CDKN2B-AS1: variants seen among roughly 807,000 people sequenced by gnomAD.
The protein encoded by CDKN2B-AS1 is CDKN2B and CDKN2A antisense cis and trans regulatory RNA 1.
At chr9:22,114,097 C>G (rs1398298164) in intron 4 of CDKN2B-AS1, among the ~76,000 whole-genome samples, 2 of 152,100 alleles carry the variant, frequency 1.3e-5, no homozygotes, top group Non-Finnish European at 2.9e-5. Flanking sequence ...CTCTAATTGG[C>G]CTTTGGAACT....
intron 4 of CDKN2B-AS1, among the ~76,000 whole-genome samples, chr9:22,061,065 ATAAT>A (rs1279818660): frequency 6.6e-6 from 1 of 152,230 alleles, no homozygotes; most frequent in African/African-American, 2.4e-5. Context: ...TCTTGTACTG[ATAAT>A]TAATATCTGG....
intron 1 of CDKN2B-AS1, among the ~76,000 whole-genome samples, chr9:22,022,608 G>T (rs555808547): frequency 6.6e-6 from 1 of 151,988 alleles, no homozygotes; most frequent in Non-Finnish European, 1.5e-5. Flanking sequence ...TTGGCTTGCC[G>T]CTCTGTCTTC....
intron 1 of CDKN2B-AS1, among the ~76,000 whole-genome samples, chr9:22,028,089 C>T (rs917313728): frequency 1.3e-5 from 2 of 151,978 alleles, no homozygotes; most frequent in Admixed American, 6.5e-5. Flanking sequence ...ATTTTTTGGA[C>T]GTTCTGCAGG....
At chr9:22,112,643 A>T (rs1825831363) in intron 4 of CDKN2B-AS1, among the ~76,000 whole-genome samples, 1 of 152,204 alleles carries the variant, frequency 6.6e-6, no homozygotes, top group Non-Finnish European at 1.5e-5. Flanking sequence ...ATTCTTCACT[A>T]TATTGCTCAA....
intron 1 of CDKN2B-AS1, among the ~76,000 whole-genome samples, chr9:22,027,042 TC>T (rs1196077790): frequency 6.6e-6 from 1 of 152,124 alleles, no homozygotes; most frequent in East Asian, 1.9e-4. Flanking sequence ...CTTGATTACT[TC>T]CAATGAGAGT....
chr9:22,036,966 A>G (rs1822712260), intron 1 of CDKN2B-AS1, among the ~76,000 whole-genome samples: 1 of 152,076 alleles, frequency 6.6e-6, no homozygotes, highest in Non-Finnish European at 1.5e-5. Context: ...CCTGACATCA[A>G]TGTACCAGTT....
intron 4 of CDKN2B-AS1, chr9:22,058,481 G>A (rs923941263): frequency 1.5e-4 from 23 of 152,202 alleles, no homozygotes; most frequent in African/African-American, 5.3e-4. Context: ...ACACTATTCT[G>A]TTGCCATTTG....
intron 1 of CDKN2B-AS1, among the ~76,000 whole-genome samples, chr9:22,017,242 TG>T (rs1407977526): frequency 2.0e-4 from 31 of 152,342 alleles, no homozygotes; most frequent in Middle Eastern, 3.4e-3. Flanking sequence ...CTGGCCAATA[TG>T]GTGAAACCCC....
intron 4 of CDKN2B-AS1, among the ~76,000 whole-genome samples, chr9:22,123,018 T>C (rs968254369): frequency 6.6e-6 from 1 of 152,086 alleles, no homozygotes; most frequent in Admixed American, 6.6e-5. Context: ...TTATGTCCTT[T>C]TCCATTTCTT....
Position 22,001,451 on chromosome 9 carries a change from T to C in CDKN2B-AS1, n.29+6290T>C, listed in dbSNP as rs1820915045. Among the ~76,000 whole-genome samples, 1 of 152,166 alleles carries C rather than the reference T, an allele frequency of 6.6e-6. No individual in the cohort carries two copies. Among genetic ancestry groups the C allele is most frequent in the African/African-American group, 2.4e-5 (1 of 41,454 alleles). On this transcript the variant is annotated intron_variant and non_coding_transcript_variant, in intron 1 of 4. Transcript: ENST00000650946. This position sits in a 1 kb window ranked among gnomAD's most constrained non-coding sequence, Gnocchi z 4.2. ...TTAATACATTGTTCTTAGTTCTTTT[T>C]CCAGCAAACTCTTTTGTTTTACATT...
At chr9:22,042,959 T>C (rs560580356) in intron 1 of CDKN2B-AS1, among the ~76,000 whole-genome samples, 5 of 152,220 alleles carry the variant, frequency 3.3e-5, no homozygotes, top group Admixed American at 6.5e-5. Flanking sequence ...ACAATAGAGT[T>C]TTATGATATT....
chr9:22,035,349 C>G (rs1822645235), intron 1 of CDKN2B-AS1, among the ~76,000 whole-genome samples: 1 of 147,908 alleles, frequency 6.8e-6, no homozygotes, highest in African/African-American at 2.5e-5. Context: ...ACCATTCTCT[C>G]TCAGTTCTTA....
chr9:22,068,785 G>A (rs775260717), intron 4 of CDKN2B-AS1, among the ~76,000 whole-genome samples: 3 of 152,186 alleles, frequency 2.0e-5, no homozygotes, highest in Middle Eastern at 3.2e-3. Flanking sequence ...AGCTTGGATA[G>A]TATCTTCCAC....
chr9:22,109,481 C>T (rs892628141), intron 4 of CDKN2B-AS1, among the ~76,000 whole-genome samples: 1 of 152,138 alleles, frequency 6.6e-6, no homozygotes. Flanking sequence ...AACCCTAATA[C>T]GTTTCCTGCG....
At chr9:22,020,436 C>G (rs1271202169) in intron 1 of CDKN2B-AS1, among the ~76,000 whole-genome samples, 1 of 152,102 alleles carries the variant, frequency 6.6e-6, no homozygotes, top group Non-Finnish European at 1.5e-5. Flanking sequence ...GTCTTTAGGT[C>G]TTTGAGGAAT....
At chr9:22,021,304 C>T (rs2131223242) in intron 1 of CDKN2B-AS1, among the ~76,000 whole-genome samples, 1 of 151,850 alleles carries the variant, frequency 6.6e-6, no homozygotes, top group Non-Finnish European at 1.5e-5. Context: ...TTTACCAGTG[C>T]CATGTTGTTT....
Position 22,009,346 on chromosome 9 carries a change from A to G in CDKN2B-AS1, n.29+14185A>G, listed in dbSNP as rs1563917597. ...AAAGAATTCCGTTTTCAGCTGGGCC[A>G]AGGGGCCGGCGTCTCCCCACCCCCT... On this transcript the variant is annotated intron_variant and non_coding_transcript_variant, in intron 1 of 4. Coordinates refer to ENST00000650946, the Ensembl canonical transcript of CDKN2B-AS1. 2.9e-5 allele frequency: 11 copies of G among 384,262 alleles called. No homozygotes were observed. The East Asian group carries it at 5.0e-4, about 17-fold the overall frequency. The allele number at this position is 384,262 out of a possible 1,614,324, so 23.8% of individuals were successfully genotyped here. A position where few individuals can be genotyped will look rare whatever the true frequency, so the allele number is the denominator to read the frequency against.
At chr9:22,045,919 A>G (rs996764506) in intron 1 of CDKN2B-AS1, among the ~76,000 whole-genome samples, 3 of 152,166 alleles carry the variant, frequency 2.0e-5, no homozygotes, top group Non-Finnish European at 4.4e-5. Context: ...ATACAATACT[A>G]TACTACACAA....
chr9:22,064,903 G>T lies in CDKN2B-AS1; in HGVS notation n.438+8516G>T, dbSNP rs888950370. Among the ~76,000 whole-genome samples the T allele has an allele frequency of 7.2e-5, 11 of 152,298 alleles. 1 individual carries two copies. Among genetic ancestry groups the T allele is most frequent in the Admixed American group, 2.6e-4 (4 of 15,300 alleles). ...GCATTTCTCCCATCCTTGGAGTTGT[G>T]AGGATTTAATGCAATTGTTTGTGGG... On this transcript the variant is annotated intron_variant and non_coding_transcript_variant, in intron 4 of 4. Coordinates refer to ENST00000650946, the Ensembl canonical transcript of CDKN2B-AS1.
Sources: gnomAD v4.1 joint callset for allele counts (sites outside exome capture counted in the v4.1 genomes callset) on GRCh38, gnomAD v4.1.1 for gene constraint, Gnocchi (gnomAD v3.1) non-coding constraint, MANE v1.5 for transcripts, NCBI Gene and HGNC (gene_info 2026-07-23, HGNC 2026-07-21) for gene names.